IQCM: variants seen among roughly 807,000 people sequenced by gnomAD.
IQCM encodes the protein IQ motif containing M.
IQCM carries 45 observed loss-of-function variants against 57.6 expected under a neutral mutation model. The observed-to-expected ratio is 0.78, with a 90% CI of 0.62 to 1.00. IQCM has a LOEUF of 1.00. IQCM is among the 50% of genes least tolerant of loss of function. IQCM has a pLI of 0.00. For synonymous variants in IQCM, 148 were observed against 158.9 expected (o/e 0.93, Z 0.51); for missense variants, 468 against 511.6 (o/e 0.91, Z 0.82).
intron 13 of IQCM, among the ~76,000 whole-genome samples, chr4:149,370,988 G>A (rs1182205704): frequency 6.6e-6 from 1 of 151,468 alleles, no homozygotes; most frequent in Admixed American, 6.6e-5. Context: ...TCTTATATGC[G>A]CATGACTCTG....
Position 149,707,791 on chromosome 4 carries a change from AC to A in IQCM, c.386-21324del, listed in dbSNP as rs916817648. On this transcript the variant is annotated intron_variant, in intron 5 of 13. Transcript: ENST00000636793. Reference sequence around the variant, plus strand: ...TATACCCATGAAACTGGCAGCACTAACTTTTTAGCTTGTAAATATGGGGAAA... The same window carrying A: ...TATACCCATGAAACTGGCAGCACTAATTTTTAGCTTGTAAATATGGGGAAA... 1.5e-3 allele frequency among the ~76,000 whole-genome samples: 226 copies of A among 152,106 alleles called. 2 individuals carry two copies. Among genetic ancestry groups the A allele is most frequent in the Middle Eastern group, 0.014 (4 of 294 alleles).
chr4:149,355,072 C>G (rs1292062686), intron 13 of IQCM, among the ~76,000 whole-genome samples: 1 of 151,898 alleles, frequency 6.6e-6, no homozygotes, highest in South Asian at 2.1e-4. Flanking sequence ...AAAATAGTTG[C>G]TGGATTATTA....
intron 2 of IQCM, among the ~76,000 whole-genome samples, chr4:149,780,078 G>A (rs1241003913): frequency 1.3e-5 from 2 of 152,054 alleles, no homozygotes; most frequent in African/African-American, 2.4e-5. Flanking sequence ...ATATTTGTTC[G>A]ATTTAAGCCA....
intron 12 of IQCM, among the ~76,000 whole-genome samples, chr4:149,496,130 G>C (rs1339005907): frequency 6.6e-6 from 1 of 152,110 alleles, no homozygotes; most frequent in Non-Finnish European, 1.5e-5. Flanking sequence ...AGTCAGACTT[G>C]AGAGGGTGGA....
chr4:149,686,949 C>G (rs1388688863), intron 5 of IQCM, among the ~76,000 whole-genome samples: 1 of 151,558 alleles, frequency 6.6e-6, no homozygotes, highest in East Asian at 1.9e-4. Flanking sequence ...TCACAAAAGG[C>G]AAAGGTTCTA....
At chr4:149,352,214 G>A (rs767421322) in intron 13 of IQCM, 148 bp from the exon 14 acceptor site, 9 of 391,914 alleles carry the variant, frequency 2.3e-5, no homozygotes, top group Admixed American at 8.9e-5. Flanking sequence ...CATTTCCTTC[G>A]GGTGTAGTGT....
chr4:149,552,507 T>C (rs1749137936), intron 11 of IQCM, among the ~76,000 whole-genome samples: 1 of 152,210 alleles, frequency 6.6e-6, no homozygotes, highest in Non-Finnish European at 1.5e-5. Context: ...AAAATTAAGA[T>C]ATAAATGAGA....
chr4:149,552,999 A>G (rs2149907329), intron 11 of IQCM, 144 bp downstream of exon 11: 1 of 537,000 alleles, frequency 1.9e-6, no homozygotes, highest in East Asian at 3.5e-5. Context: ...TCAAATGTAC[A>G]ACATGCTAAC....
intron 7 of IQCM, among the ~76,000 whole-genome samples, chr4:149,630,129 G>A (rs1367558695): frequency 6.6e-6 from 1 of 152,184 alleles, no homozygotes; most frequent in East Asian, 1.9e-4. Context: ...GAAAACTCTT[G>A]ATTAAGAAAA....
chr4:149,433,521 G>T lies in IQCM; in HGVS notation c.1265C>A (p.Ser422Tyr). The T allele has an allele frequency of 2.5e-6, 3 of 1,191,230 alleles. No homozygotes were observed. The highest frequency in any genetic ancestry group is 3.2e-6 in the Non-Finnish European group (3 of 951,308). The allele number at this position is 1,191,230 out of a possible 1,614,324, so 73.8% of individuals were successfully genotyped here. A position where few individuals can be genotyped will look rare whatever the true frequency, so the allele number is the denominator to read the frequency against. Reference protein sequence around the residue: ...KEKYSELIKKSKAIEMLFTLY... With the variant: ...KEKYSELIKKYKAIEMLFTLY... ...TGTAAATAACATTTCAATTGCTTTG[G>T]ACTTTTTGATTAGTTCAGAATATTT... is the stretch of plus-strand genomic sequence containing the variant. Residue 422 changes from serine (S) to tyrosine (Y), a missense_variant, in exon 13 of 14, where the codon TCC (serine) becomes TAC (tyrosine). Ser to Tyr is a moderately radical substitution (Grantham distance 144, BLOSUM62 -2). Coordinates refer to ENST00000636793, the MANE Select transcript of IQCM (RefSeq NM_001363507.2).
chr4:149,569,584 C>T (rs1750965047), intron 9 of IQCM, among the ~76,000 whole-genome samples: 1 of 152,116 alleles, frequency 6.6e-6, no homozygotes, highest in South Asian at 2.1e-4. Flanking sequence ...AGCCCTGCTA[C>T]AAGTTACAGG....
At chr4:149,672,839 G>A (rs1761421094) in intron 7 of IQCM, among the ~76,000 whole-genome samples, 2 of 152,098 alleles carry the variant, frequency 1.3e-5, no homozygotes, top group Admixed American at 1.3e-4. Flanking sequence ...ATTCACCAAA[G>A]TTGAAATGAA....
At chr4:149,464,405 A>C (rs72955434) in intron 12 of IQCM, among the ~76,000 whole-genome samples, 2,774 of 152,190 alleles carry the variant, frequency 0.018, 59 homozygotes, top group African/African-American at 0.055. Flanking sequence ...GTATATTTCC[A>C]GTCCTGTCTA....
At chr4:149,410,984 G>T (rs569083136) in intron 13 of IQCM, among the ~76,000 whole-genome samples, 1 of 152,044 alleles carries the variant, frequency 6.6e-6, no homozygotes, top group Non-Finnish European at 1.5e-5. Context: ...AAAAGAAAAA[G>T]AAATAAAATT....
chr4:149,592,230 C>T (rs1203245622), intron 8 of IQCM, among the ~76,000 whole-genome samples: 2 of 152,020 alleles, frequency 1.3e-5, no homozygotes, highest in African/African-American at 2.4e-5. Context: ...TTTTCATATA[C>T]CTGTTGGCTG....
chr4:149,432,325 C>T (rs935980465), intron 13 of IQCM, among the ~76,000 whole-genome samples: 1 of 151,932 alleles, frequency 6.6e-6, no homozygotes, highest in Non-Finnish European at 1.5e-5. Context: ...ATCATCTTTT[C>T]ATGTGCTCAT....
intron 3 of IQCM, chr4:149,737,496 CTG>C (rs1767049258): frequency 6.6e-6 from 1 of 152,132 alleles, no homozygotes; most frequent in African/African-American, 2.4e-5. Flanking sequence ...TTCAAGTTTG[CTG>C]TGTGTTTGAA....
chr4:149,542,740 T>C (rs1747981402), intron 12 of IQCM, among the ~76,000 whole-genome samples: 1 of 152,160 alleles, frequency 6.6e-6, no homozygotes, highest in South Asian at 2.1e-4. Flanking sequence ...AGAAGTTTAT[T>C]TTCATAATTA....
chr4:149,714,492 A>G (rs1450274730), intron 5 of IQCM, among the ~76,000 whole-genome samples: 1 of 152,142 alleles, frequency 6.6e-6, no homozygotes, highest in South Asian at 2.1e-4. Flanking sequence ...CTCCATCTAG[A>G]TATCTAACAA....
Sources: gnomAD v4.1 joint callset for allele counts (sites outside exome capture counted in the v4.1 genomes callset) on GRCh38, gnomAD v4.1.1 for gene constraint, MANE v1.5 for transcripts, NCBI Gene and HGNC (gene_info 2026-07-23, HGNC 2026-07-21) for gene names.